The following SYT1 variants were observed in gnomAD, a reference collection of about 807,000 sequenced individuals.
The protein encoded by SYT1 is synaptotagmin 1, also known as synaptotagmin-1.
In SYT1, 8 loss-of-function variants were observed where a neutral mutation model predicts 44.8. The ratio of observed to expected loss-of-function variants is 0.18; its 90% CI spans 0.10 to 0.32. SYT1 has a LOEUF of 0.32. Ranked by LOEUF, SYT1 falls within the 10% of genes least tolerant of loss-of-function variation. SYT1 has a pLI of 1.00. For missense variants in SYT1, 286 were observed against 509.3 expected (o/e 0.56, Z 4.22); for synonymous variants, 154 against 188.8 (o/e 0.82, Z 1.51).
At chr12:79,269,658 C>T (rs1428514198) in intron 4 of SYT1, among the ~76,000 whole-genome samples, 1 of 152,010 alleles carries the variant, frequency 6.6e-6, no homozygotes, top group Admixed American at 6.6e-5. Flanking sequence ...CAATAATCTG[C>T]ACTCGGGTAC....
chr12:78,879,408 G>T (rs1022387077), intron 1 of SYT1, among the ~76,000 whole-genome samples: 1 of 151,694 alleles, frequency 6.6e-6, no homozygotes, highest in African/African-American at 2.4e-5. Context: ...TTCCTGACAC[G>T]TAGTGCAACC....
chr12:79,206,402 G>A (rs1874129357), intron 3 of SYT1, among the ~76,000 whole-genome samples: 1 of 152,102 alleles, frequency 6.6e-6, no homozygotes, highest in East Asian at 1.9e-4. Flanking sequence ...TTGTTGACTG[G>A]AACATCAGCA....
At chr12:78,956,328 T>C (rs1006989221) in intron 1 of SYT1, among the ~76,000 whole-genome samples, 2 of 152,108 alleles carry the variant, frequency 1.3e-5, no homozygotes, top group African/African-American at 4.8e-5. Flanking sequence ...TGAGTTTGAA[T>C]CCTAGCTCTT....
At chr12:78,904,292 G>C (rs1216058057) in intron 1 of SYT1, among the ~76,000 whole-genome samples, 3 of 152,042 alleles carry the variant, frequency 2.0e-5, no homozygotes, top group African/African-American at 7.2e-5. Flanking sequence ...TCTATATTAA[G>C]TTACATGTGA....
chr12:78,979,944 C>T (rs146535738), intron 2 of SYT1, among the ~76,000 whole-genome samples: 2,105 of 151,938 alleles, frequency 0.014, 22 homozygotes, highest in Middle Eastern at 0.048. Context: ...GAATTTCAAC[C>T]GATCTTTTTG....
intron 1 of SYT1, among the ~76,000 whole-genome samples, chr12:78,887,086 G>A (rs1047218034): frequency 6.6e-6 from 1 of 151,920 alleles, no homozygotes; most frequent in East Asian, 1.9e-4. Flanking sequence ...GTTACCCATG[G>A]CCAACCATGG....
intron 7 of SYT1, 21 bp from the exon 8 acceptor site, chr12:79,299,363 T>C: frequency 6.2e-7 from 1 of 1,609,882 alleles, no homozygotes; most frequent in Non-Finnish European, 8.5e-7. Flanking sequence ...GGATATTTTA[T>C]CCTCATGTCT....
chr12:79,009,294 T>C (rs1871277381), intron 2 of SYT1, among the ~76,000 whole-genome samples: 3 of 151,580 alleles, frequency 2.0e-5, no homozygotes. Context: ...TAAAGAGCCC[T>C]CTGGTTTTTG....
chr12:79,263,272 T>C (rs974076217), intron 4 of SYT1, among the ~76,000 whole-genome samples: 17 of 65,824 alleles, frequency 2.6e-4, no homozygotes, highest in Non-Finnish European at 4.5e-4. Flanking sequence ...TTCTGGTGAT[T>C]TTTTTTTTTT....
chr12:79,067,486 CT>C (rs1016340707), intron 3 of SYT1, among the ~76,000 whole-genome samples: 2 of 152,024 alleles, frequency 1.3e-5, no homozygotes, highest in African/African-American at 4.8e-5. Flanking sequence ...AGAGGCTTTT[CT>C]TTTTTTAACA....
intron 4 of SYT1, among the ~76,000 whole-genome samples, chr12:79,220,946 A>T (rs1272365581): frequency 6.6e-6 from 1 of 152,122 alleles, no homozygotes. Flanking sequence ...TGGGCTGATT[A>T]GATGCAGATT....
At chr12:79,127,516 T>G (rs1485729988) in intron 3 of SYT1, among the ~76,000 whole-genome samples, 1 of 152,266 alleles carries the variant, frequency 6.6e-6, no homozygotes, top group East Asian at 1.9e-4. Context: ...AAAGCTCAGA[T>G]TCCTCAGTTG....
chr12:79,136,323 G>T (rs1368571849), intron 3 of SYT1, among the ~76,000 whole-genome samples: 1 of 152,004 alleles, frequency 6.6e-6, no homozygotes, highest in Non-Finnish European at 1.5e-5. Flanking sequence ...ATAAAGAAGG[G>T]AAAAATAATG....
chr12:78,968,449 C>T (rs930059969), intron 1 of SYT1, among the ~76,000 whole-genome samples: 1 of 151,772 alleles, frequency 6.6e-6, no homozygotes, highest in Admixed American at 6.6e-5. Context: ...TGAGCAATGC[C>T]CAAGGGAACA....
chr12:79,410,778 A>G (rs543821676), intron 9 of SYT1, among the ~76,000 whole-genome samples: 60 of 152,312 alleles, frequency 3.9e-4, no homozygotes, highest in African/African-American at 1.4e-3. Flanking sequence ...AAAACTGACT[A>G]TATCAACATT....
intron 1 of SYT1, among the ~76,000 whole-genome samples, chr12:78,946,318 G>T (rs1878651899): frequency 6.6e-6 from 1 of 152,064 alleles, no homozygotes; most frequent in South Asian, 2.1e-4. Flanking sequence ...CAAATGTCTT[G>T]TCTTTGAGAA....
In SYT1 at chr12:79,285,889, A is replaced by C; in HGVS notation, c.269A>C (p.Lys90Thr). The C allele has an allele frequency of 6.2e-7, 1 of 1,614,060 alleles. No individual in the cohort carries two copies. Among genetic ancestry groups the C allele is most frequent in the Non-Finnish European group, 8.5e-7 (1 of 1,179,946 alleles). The part of the protein sequence containing the change: ...CKKCLFKKKN[K>T]KKGKEKGGKN... Reference sequence around the variant, plus strand: ...AAATGTTTGTTCAAAAAGAAAAACAAGAAGAAGGGAAAGGAAAAAGGAGGG... The same window carrying C: ...AAATGTTTGTTCAAAAAGAAAAACACGAAGAAGGGAAAGGAAAAAGGAGGG... Residue 90 changes from lysine to threonine, a missense_variant, in exon 5 of 11, where the codon AAG becomes ACG. Physicochemically the swap from Lys to Thr is moderately conservative, Grantham distance 78. Coordinates refer to ENST00000261205, the MANE Select transcript of SYT1 (RefSeq NM_005639.3).
intron 8 of SYT1, among the ~76,000 whole-genome samples, chr12:79,350,233 C>T (rs966844037): frequency 6.6e-6 from 1 of 150,840 alleles, no homozygotes; most frequent in African/African-American, 2.4e-5. Flanking sequence ...AGGGCCTCCC[C>T]AGGATGCATA....
chr12:79,222,362 C>CTATTTATT (rs59013211), intron 4 of SYT1, among the ~76,000 whole-genome samples: 15 of 149,386 alleles, frequency 1.0e-4, no homozygotes, highest in Admixed American at 8.0e-4. Flanking sequence ...TTTTCTGCTA[C>CTATTTATT]TATTTATTTA....
Sources: gnomAD v4.1 joint callset for allele counts (sites outside exome capture counted in the v4.1 genomes callset) on GRCh38, gnomAD v4.1.1 for gene constraint, MANE v1.5 for transcripts, NCBI Gene and HGNC (gene_info 2026-07-23, HGNC 2026-07-21) for gene names.